CORO2B: variants seen among roughly 807,000 people sequenced by gnomAD.
CORO2B encodes coronin 2B.
A neutral mutation model predicts 58.8 loss-of-function variants in CORO2B; 26 were observed. The ratio of observed to expected loss-of-function variants is 0.44; its 90% CI spans 0.32 to 0.61. The LOEUF (loss-of-function observed/expected upper bound fraction) is 0.61. Among genes scored for constraint, CORO2B ranks in the 20% least tolerant of loss-of-function variants. The pLI is 0.04. For synonymous variants in CORO2B, 242 were observed against 253.8 expected, an observed-to-expected ratio of 0.95 and a Z score of 0.44; for missense variants, 460 against 645.1, an observed-to-expected ratio of 0.71 and a Z score of 3.11.
In CORO2B at chr15:68,710,802, G is replaced by A; in HGVS notation, c.404G>A (p.Gly135Glu). ...ACGGAGGCGCTCCTGGAGCTGCACG[G>A]GCACAGCCGGCGTGTGGGGCTGGTC... ...NMTEALLELHGHSRRVGLVEW... is the reference protein window; with the variant it reads ...NMTEALLELHEHSRRVGLVEW... The change falls in exon 4 of 12, where the codon GGG (glycine) becomes GAG (glutamate). Residue 135 changes from glycine (G) to glutamate (E), a missense_variant. Gly to Glu is a moderately conservative substitution (Grantham distance 98, BLOSUM62 -2). This residue lies in a region of CORO2B where 352 missense variants were observed against 543.0 expected (regional missense o/e 0.65). Coordinates refer to ENST00000261861, the MANE Select transcript of CORO2B (RefSeq NM_006091.5). This position sits in a 1 kb window ranked among gnomAD's most constrained non-coding sequence, Gnocchi z 4.1. 6.2e-7 allele frequency: 1 copy of A among 1,612,474 alleles called. No individual in the cohort carries two copies. The highest frequency in any genetic ancestry group is 8.5e-7 in the Non-Finnish European group (1 of 1,179,444).
chr15:68,601,649 A>G (rs900808791), intron 1 of CORO2B, among the ~76,000 whole-genome samples: 10 of 152,152 alleles, frequency 6.6e-5, no homozygotes, highest in African/African-American at 2.4e-4. Context: ...GGCCAAGAGA[A>G]CAGCTAGGAA....
At chr15:68,626,802 G>A (rs955437985) in intron 1 of CORO2B, among the ~76,000 whole-genome samples, 11 of 152,310 alleles carry the variant, frequency 7.2e-5, no homozygotes, top group African/African-American at 2.2e-4. Context: ...GCTGAGAACC[G>A]CTGCTCCAGA....
chr15:68,555,971 C>T, the CORO2B span, among the ~76,000 whole-genome samples: 1 of 152,354 alleles, frequency 6.6e-6, no homozygotes, highest in African/African-American at 2.4e-5. Flanking sequence ...ACTGTCAGAA[C>T]TGGAAAGGTT....
Position 68,727,413 on chromosome 15 carries a change from C to T in CORO2B, c.*1439C>T, listed in dbSNP as rs1032457294. ...GCACAAAGAGTTTATAAACACTGTT[C>T]TCAGAAGAGTCACAGTTTGGGGTGA... is the stretch of plus-strand genomic sequence containing the variant. On this transcript the variant is annotated 3_prime_UTR_variant, in exon 12 of 12. Transcript: ENST00000261861. 1.3e-5 allele frequency: 2 copies of T among 152,262 alleles called. No homozygotes were observed. Among genetic ancestry groups the T allele is most frequent in the Non-Finnish European group, 2.9e-5 (2 of 68,028 alleles). 9.4% of individuals were successfully genotyped at this position (152,262 alleles called of 1,614,324 possible).
the CORO2B span, among the ~76,000 whole-genome samples, chr15:68,537,812 A>C: frequency 1.3e-5 from 2 of 152,262 alleles, no homozygotes; most frequent in African/African-American, 4.8e-5. Context: ...AAGCCACAAC[A>C]GCAGACTTGA....
chr15:68,603,934 G>A (rs1422552140), intron 1 of CORO2B, among the ~76,000 whole-genome samples: 4 of 152,182 alleles, frequency 2.6e-5, no homozygotes. Flanking sequence ...GTGCCATGTT[G>A]TAGAATTCAG....
Position 68,672,159 on chromosome 15 carries a change from G to GGTGT in CORO2B, c.217-22958_217-22955dup, listed in dbSNP as rs60989044. On this transcript the variant is annotated intron_variant, in intron 2 of 11. Coordinates refer to ENST00000261861, the MANE Select transcript of CORO2B (RefSeq NM_006091.5). ...TCCCTGAGCAACTTGGTAATCGGGA[G>GGTGT]GTGTGTGTGTGTGTGTGTGTGTGTG... 8.9e-4 allele frequency among the ~76,000 whole-genome samples: 130 copies of GGTGT among 146,282 alleles called. 1 individual carries two copies. The highest frequency in any genetic ancestry group is 3.2e-3 in the Admixed American group (47 of 14,648).
intron 2 of CORO2B, among the ~76,000 whole-genome samples, chr15:68,691,485 C>T (rs757323580): frequency 0.11 from 2,001 of 18,648 alleles, 666 homozygotes; most frequent in African/African-American, 0.14. Flanking sequence ...ATTAGCCGGG[C>T]GTAGTGGCGG....
At chr15:68,644,109 T>C (rs1901346588) in intron 1 of CORO2B, among the ~76,000 whole-genome samples, 1 of 152,172 alleles carries the variant, frequency 6.6e-6, no homozygotes, top group East Asian at 1.9e-4. Context: ...GGCTAGGATA[T>C]GCTGTAATAA....
chr15:68,694,864 T>G (rs886455549), intron 2 of CORO2B, among the ~76,000 whole-genome samples: 1 of 152,172 alleles, frequency 6.6e-6, no homozygotes, highest in Non-Finnish European at 1.5e-5. Context: ...CACCTTTTCC[T>G]TATTTGCAGA....
intron 3 of CORO2B, among the ~76,000 whole-genome samples, chr15:68,709,861 T>C (rs1567017034): frequency 6.6e-6 from 1 of 150,504 alleles, no homozygotes. Flanking sequence ...TACCAGTAGG[T>C]GAAACAGGGC....
intron 7 of CORO2B, 131 bp downstream of exon 7, chr15:68,714,794 A>G: frequency 1.5e-6 from 1 of 685,386 alleles, no homozygotes; most frequent in South Asian, 1.7e-5. Flanking sequence ...CACCTTTCCC[A>G]TCCACACCTG....
At chr15:68,570,988 C>A in the CORO2B span, among the ~76,000 whole-genome samples, 1 of 151,950 alleles carries the variant, frequency 6.6e-6, no homozygotes, top group Admixed American at 6.6e-5. Flanking sequence ...TGGCACAAAG[C>A]ACTTAATCAG....
At chr15:68,691,392 G>A (rs113007856) in intron 2 of CORO2B, among the ~76,000 whole-genome samples, 4 of 16,338 alleles carry the variant, frequency 2.4e-4, no homozygotes, top group Non-Finnish European at 3.1e-4. Flanking sequence ...TTGGGAGGCC[G>A]AGGCGGGCGG....
chr15:68,589,368 G>A (rs912046451), intron 1 of CORO2B, among the ~76,000 whole-genome samples: 2 of 152,206 alleles, frequency 1.3e-5, no homozygotes, highest in Non-Finnish European at 1.5e-5. Context: ...AGAGTGTGTT[G>A]TGGATTTTTC....
At position 68,709,781 on chromosome 15, in the gene CORO2B, A is replaced by G. The variant is rs146748792; in HGVS notation, c.334-951A>G. Among the ~76,000 whole-genome samples, 25 of 152,262 alleles carry G rather than the reference A, an allele frequency of 1.6e-4. No homozygotes were observed. The East Asian group carries it at 4.4e-3, about 27-fold the overall frequency. ...AATAATATTAATGATAATAATAACA[A>G]TTATAATTCCTTAGGCCTTTAGAGC... On this transcript the variant is annotated intron_variant, in intron 3 of 11. Transcript: ENST00000261861.
Position 68,672,347 on chromosome 15 carries a change from C to G in CORO2B, c.217-22793C>G, listed in dbSNP as rs558971082. On this transcript the variant is annotated intron_variant, in intron 2 of 11. Coordinates refer to ENST00000261861, the MANE Select transcript of CORO2B (RefSeq NM_006091.5). ...GTCTCCTGGAATCAAGTGATCCTCC[C>G]ACCTCAGCCTCCCAAAGTGCTGGGA... Among the ~76,000 whole-genome samples the G allele has an allele frequency of 3.3e-5, 5 of 152,158 alleles. No individual in the cohort carries two copies. The South Asian group carries it at 1.0e-3, about 32-fold the overall frequency.
the CORO2B span, among the ~76,000 whole-genome samples, chr15:68,550,680 G>A: frequency 6.6e-6 from 1 of 152,240 alleles, no homozygotes; most frequent in Non-Finnish European, 1.5e-5. Context: ...AGAATGTCCA[G>A]CAGGTGGTGC....
At position 68,727,276 on chromosome 15, in the gene CORO2B, G is replaced by A. The variant is rs373974126; in HGVS notation, c.*1302G>A. The A allele has an allele frequency of 1.3e-5, 2 of 152,620 alleles. No homozygotes were observed. The highest frequency in any genetic ancestry group is 2.9e-5 in the Non-Finnish European group (2 of 68,050). 9.5% of individuals were successfully genotyped at this position (152,620 alleles called of 1,614,324 possible). Reference sequence around the variant, plus strand: ...ACGTCTACTCCCTTCTGCAGATGAGGAAACCGAGAGAAGTGGCCCAAGGTC... The same window carrying A: ...ACGTCTACTCCCTTCTGCAGATGAGAAAACCGAGAGAAGTGGCCCAAGGTC... On this transcript the variant is annotated 3_prime_UTR_variant, in exon 12 of 12. Coordinates refer to ENST00000261861, the MANE Select transcript of CORO2B (RefSeq NM_006091.5).
Sources: gnomAD v4.1 joint callset for allele counts (sites outside exome capture counted in the v4.1 genomes callset) on GRCh38, gnomAD v4.1.1 for gene constraint, gnomAD v4.1.1 regional missense constraint, Gnocchi (gnomAD v3.1) non-coding constraint, MANE v1.5 for transcripts, NCBI Gene and HGNC (gene_info 2026-07-23, HGNC 2026-07-21) for gene names.